C2: variants seen among roughly 807,000 people sequenced by gnomAD.
The protein encoded by C2 is C3/C5 convertase.
C2 carries 64 observed loss-of-function variants against 85.2 expected under a neutral mutation model. The ratio of observed to expected loss-of-function variants is 0.75; its 90% CI spans 0.61 to 0.92. The LOEUF is 0.92. Among genes scored for constraint, C2 ranks in the 40% least tolerant of loss-of-function variants. C2 has a pLI of 0.00. For missense variants in C2, 820 were observed against 971.6 expected (o/e 0.84, Z 2.07); for synonymous variants, 311 against 370.8 (o/e 0.84, Z 1.85).
Position 31,910,121 on chromosome 6 carries a change from C to T in C2, c.73+8982C>T, listed in dbSNP as rs1456628532. Among the ~76,000 whole-genome samples, 31 of 151,492 alleles carry T rather than the reference C, an allele frequency of 2.0e-4. 2 individuals are homozygous for T. The highest frequency in any genetic ancestry group is 7.3e-4 in the African/African-American group (30 of 41,162). On this transcript the variant is annotated intron_variant, in intron 1 of 3. Transcript: ENST00000452202. ...GTCTCGAACTCCTGACCTTGTGATC[C>T]GCCCACCTCAGCCTCCCAAAGTGCT...
At chr6:31,934,720 G>A in intron 6 of C2, 3 of 1,158,872 alleles carry the variant, frequency 2.6e-6, no homozygotes, top group African/African-American at 1.6e-5. Flanking sequence ...TTTAAAATGT[G>A]TGTGATAGAC....
chr6:31,909,294 A>C (rs1258859020), intron 1 of C2, among the ~76,000 whole-genome samples: 4 of 151,732 alleles, frequency 2.6e-5, no homozygotes, highest in Non-Finnish European at 5.9e-5. Context: ...TAAATTTTTA[A>C]CGTATTATTA....
chr6:31,916,655 C>T (rs990104977), upstream of C2, among the ~76,000 whole-genome samples: 6 of 151,546 alleles, frequency 4.0e-5, no homozygotes, highest in Non-Finnish European at 5.9e-5. Flanking sequence ...TGTCTCCAGA[C>T]GCTTTCCACC....
rs545848135 is a variant in C2 at position 31,934,147 on chromosome 6, C to G, written c.716-19C>G. Reference sequence around the variant, plus strand: ...GAAGGAGGTGGGGATCTGAATCCTCCCCTTCCACATTTCTCCAGAAAGCCT... The same window carrying G: ...GAAGGAGGTGGGGATCTGAATCCTCGCCTTCCACATTTCTCCAGAAAGCCT... On this transcript the variant is annotated intron_variant, in intron 5 of 17. Coordinates refer to ENST00000299367, the MANE Select transcript of C2 (RefSeq NM_000063.6). 10 of 1,613,952 alleles carry G rather than the reference C, an allele frequency of 6.2e-6. No individual in the cohort carries two copies. The Admixed American group carries it at 1.7e-4, about 27-fold the overall frequency.
rs148680857 is a variant in C2, at chr6:31,934,561, T to C, written c.849+262T>C. 665 of 1,448,714 alleles carry C rather than the reference T, an allele frequency of 4.6e-4. 3 individuals carry two copies. In the Middle Eastern group the frequency reaches 6.6e-3, roughly 14 times the overall value. 89.7% of individuals were successfully genotyped at this position (1,448,714 alleles called of 1,614,324 possible). On this transcript the variant is annotated intron_variant, in intron 6 of 17. Coordinates refer to ENST00000299367, the MANE Select transcript of C2 (RefSeq NM_000063.6). Reference sequence around the variant, plus strand: ...GGTCTTACTTTCCAGGAATTCATCATCTAGAACAGTGGTCTCCACAGAAAG... The same window carrying C: ...GGTCTTACTTTCCAGGAATTCATCACCTAGAACAGTGGTCTCCACAGAAAG...
rs567981013 is a variant in C2, at chr6:31,927,770, T to C, written c.18T>C (p.Val6=). The C allele has an allele frequency of 6.2e-7, 1 of 1,613,556 alleles. No individual in the cohort carries two copies. The highest frequency in any genetic ancestry group is 2.2e-5 in the East Asian group (1 of 44,878). MGPLM[V]LFCLLFLYPG... is the part of the protein sequence containing the mutation. ...AGGACACCATGGGCCCACTGATGGTTCTTTTTTGCCTGCTGTTCCTGTACC... is the reference window on the plus strand; with the variant it reads ...AGGACACCATGGGCCCACTGATGGTCCTTTTTTGCCTGCTGTTCCTGTACC... Residue 6 remains valine (V), a synonymous_variant, in exon 1 of 18, where the codon GTT becomes GTC. Transcript: ENST00000299367. The surrounding 1 kb of genome is among the most constrained non-coding windows in gnomAD (Gnocchi z 4.7).
At chr6:31,905,252 AG>A in intron 1 of C2, among the ~76,000 whole-genome samples, 1 of 151,958 alleles carries the variant, frequency 6.6e-6, no homozygotes, top group East Asian at 1.9e-4. Flanking sequence ...TGGGCAACAT[AG>A]CAAGACCCCA....
At chr6:31,933,346 T>G (rs940621724) in intron 3 of C2, among the ~76,000 whole-genome samples, 1 of 152,202 alleles carries the variant, frequency 6.6e-6, no homozygotes, top group Non-Finnish European at 1.5e-5. Context: ...CTCCAACACT[T>G]GGAATTACCT....
chr6:31,906,875 A>T (rs1194655455), intron 1 of C2, among the ~76,000 whole-genome samples: 2 of 151,820 alleles, frequency 1.3e-5, no homozygotes, highest in Non-Finnish European at 2.9e-5. Context: ...AGTGGCTCAC[A>T]CCTGTAATCG....
rs1422881687 is a variant in C2, at chr6:31,937,375, A to G, written c.1045A>G (p.Met349Val). 1.2e-6 allele frequency: 2 copies of G among 1,608,868 alleles called. No homozygotes were observed. Among genetic ancestry groups the G allele is most frequent in the Non-Finnish European group, 1.7e-6 (2 of 1,176,448 alleles). ...TYAALNSVYL[M>V]MNNQMRLLGM... is the part of the protein sequence containing the mutation. ...TGCGGCCTTAAACAGTGTCTATCTC[A>G]TGATGAACAACCAAATGCGACTCCT... The change falls in exon 8 of 18, where the codon ATG becomes GTG. Residue 349 changes from methionine (M) to valine (V), a missense_variant. By Grantham distance (21) the Met-to-Val change is conservative. Transcript: ENST00000299367.
At position 31,904,914 on chromosome 6, in the gene C2, C is replaced by T. The variant is rs533787393; in HGVS notation, c.73+3775C>T. ...TCCAGCCCACCCAGTTACAACTCTG[C>T]GTAAAAACAAGCAGAGGTGCACAAA... is the stretch of plus-strand genomic sequence containing the variant. On this transcript the variant is annotated intron_variant, in intron 1 of 3. Coordinates refer to the C2 transcript ENST00000452202. The surrounding 1 kb of genome is among the most constrained non-coding windows in gnomAD (Gnocchi z 4.4). Among the ~76,000 whole-genome samples the T allele has an allele frequency of 4.9e-4, 74 of 152,086 alleles. 1 individual carries two copies. The South Asian group carries it at 0.013, about 27-fold the overall frequency.
Position 31,945,525 on chromosome 6 carries a change from C to A in C2, c.*168C>A. On this transcript the variant is annotated 3_prime_UTR_variant, in exon 18 of 18. Transcript: ENST00000299367. This position sits in a 1 kb window ranked among gnomAD's most constrained non-coding sequence, Gnocchi z 5.3. ...CACACAAGCTGGGAAATCCTCAGGG[C>A]TCCTACCAGCAGGACTGCCTCGCTG... 1 of 693,578 alleles carries A rather than the reference C, an allele frequency of 1.4e-6. No individual in the cohort carries two copies. The highest frequency in any genetic ancestry group is 2.5e-6 in the Non-Finnish European group (1 of 393,888). The allele number at this position is 693,578 out of a possible 1,614,324, so 43.0% of individuals were successfully genotyped here.
chr6:31,909,165 AATTC>A (rs1160021551), intron 1 of C2, among the ~76,000 whole-genome samples: 1 of 151,914 alleles, frequency 6.6e-6, no homozygotes, highest in African/African-American at 2.4e-5. Context: ...GTGTAGCTGT[AATTC>A]ATTCATTGTC....
chr6:31,933,083 C>T (rs1384939451), intron 3 of C2, among the ~76,000 whole-genome samples: 1 of 143,840 alleles, frequency 7.0e-6, no homozygotes, highest in Non-Finnish European at 1.6e-5. Flanking sequence ...CCAGCTTCGG[C>T]TCGGCATCAG....
At chr6:31,937,527 T>C (rs1770531722) in intron 8 of C2, 68 bp downstream of exon 8, 1 of 1,577,832 alleles carries the variant, frequency 6.3e-7, no homozygotes, top group African/African-American at 1.3e-5. Context: ...TCAGAAGCCC[T>C]GAATTCTGAT....
chr6:31,929,859 A>G (rs771473432), intron 3 of C2, among the ~76,000 whole-genome samples: 3 of 151,418 alleles, frequency 2.0e-5, no homozygotes, highest in African/African-American at 7.3e-5. Context: ...CCTCGTCTAT[A>G]CTAAAAATAC....
At chr6:31,942,846 G>A in intron 9 of C2, 113 bp from the exon 10 acceptor site, 2 of 1,350,852 alleles carry the variant, frequency 1.5e-6, no homozygotes, top group Non-Finnish European at 2.1e-6. Context: ...GGACGCAGGG[G>A]TCCAGCTCAT....
chr6:31,931,758 C>T (rs1769771822), intron 3 of C2, among the ~76,000 whole-genome samples: 1 of 152,216 alleles, frequency 6.6e-6, no homozygotes, highest in African/African-American at 2.4e-5. Flanking sequence ...CATCATGGCC[C>T]CTTCTCAATG....
chr6:31,918,231 G>A (rs1473529832), upstream of C2, among the ~76,000 whole-genome samples: 1 of 151,834 alleles, frequency 6.6e-6, no homozygotes, highest in African/African-American at 2.4e-5. Flanking sequence ...GCTGCCGTGA[G>A]CTATGATCAG....
Sources: gnomAD v4.1 joint callset for allele counts (sites outside exome capture counted in the v4.1 genomes callset) on GRCh38, gnomAD v4.1.1 for gene constraint, Gnocchi (gnomAD v3.1) non-coding constraint, MANE v1.5 for transcripts, NCBI Gene and HGNC (gene_info 2026-07-23, HGNC 2026-07-21) for gene names.